INPP4B: variants seen among roughly 807,000 people sequenced by gnomAD.
The protein encoded by INPP4B is inositol polyphosphate-4-phosphatase type II B.
A neutral mutation model predicts 122.5 loss-of-function variants in INPP4B; 55 were observed. The observed-to-expected ratio is 0.45, with a 90% CI of 0.36 to 0.56. The LOEUF is 0.56. Ranked by LOEUF, INPP4B falls within the 20% of genes least tolerant of loss-of-function variation. The pLI is 0.00. For synonymous variants in INPP4B, 403 were observed against 388.7 expected, an observed-to-expected ratio of 1.04 and a Z score of -0.43; for missense variants, 1,000 against 1,097.7, an observed-to-expected ratio of 0.91 and a Z score of 1.26.
intron 2 of INPP4B, among the ~76,000 whole-genome samples, chr4:142,492,440 G>A (rs1821999793): frequency 6.6e-6 from 1 of 152,090 alleles, no homozygotes; most frequent in Non-Finnish European, 1.5e-5. Flanking sequence ...GACTTGGAGG[G>A]TTCAGAAGAC....
intron 2 of INPP4B, among the ~76,000 whole-genome samples, chr4:142,485,955 G>A (rs2149759044): frequency 6.6e-6 from 1 of 152,142 alleles, no homozygotes; most frequent in East Asian, 1.9e-4. Flanking sequence ...CTGAGATCTG[G>A]CTGACAGAGT....
chr4:142,762,213 G>A (rs1185910121), intron 1 of INPP4B, among the ~76,000 whole-genome samples: 2 of 152,046 alleles, frequency 1.3e-5, no homozygotes, highest in Non-Finnish European at 2.9e-5. Flanking sequence ...AATTCTGTAA[G>A]CATCTTAGAG....
chr4:142,310,197 A>T (rs898020730), intron 8 of INPP4B, among the ~76,000 whole-genome samples: 1 of 151,992 alleles, frequency 6.6e-6, no homozygotes, highest in Non-Finnish European at 1.5e-5. Context: ...GAGCTGTGCT[A>T]TCCAATGGGT....
intron 17 of INPP4B, among the ~76,000 whole-genome samples, chr4:142,154,049 C>G (rs1257838352): frequency 6.6e-6 from 1 of 152,056 alleles, no homozygotes; most frequent in Non-Finnish European, 1.5e-5. Context: ...ATCAAGAAAA[C>G]AGAGGATAGA....
chr4:142,223,438 A>G (rs1365399861), intron 12 of INPP4B, among the ~76,000 whole-genome samples: 2 of 152,174 alleles, frequency 1.3e-5, no homozygotes, highest in Non-Finnish European at 2.9e-5. Flanking sequence ...TGTCATTTCC[A>G]TACACTTTTC....
chr4:142,156,669 A>G (rs1443631560), intron 17 of INPP4B, among the ~76,000 whole-genome samples: 2 of 152,154 alleles, frequency 1.3e-5, no homozygotes, highest in African/African-American at 2.4e-5. Context: ...AATCTTTACC[A>G]TATTGACTAG....
chr4:142,360,954 T>C (rs1785184191), intron 7 of INPP4B, among the ~76,000 whole-genome samples: 1 of 151,966 alleles, frequency 6.6e-6, no homozygotes, highest in South Asian at 2.1e-4. Flanking sequence ...TTATTTTGTA[T>C]TGTTTGTGTG....
intron 1 of INPP4B, among the ~76,000 whole-genome samples, chr4:142,776,200 T>C (rs79904750): frequency 6.6e-6 from 1 of 152,318 alleles, no homozygotes; most frequent in African/African-American, 2.4e-5. Flanking sequence ...GGCTAAGGTC[T>C]ACTACCCACT....
At chr4:142,150,356 C>A (rs1287545815) in intron 17 of INPP4B, among the ~76,000 whole-genome samples, 1 of 152,214 alleles carries the variant, frequency 6.6e-6, no homozygotes, top group Non-Finnish European at 1.5e-5. Flanking sequence ...GGATTAAAAA[C>A]AACCACTACC....
At chr4:142,531,931 C>T (rs1219544130) in intron 2 of INPP4B, among the ~76,000 whole-genome samples, 1 of 152,044 alleles carries the variant, frequency 6.6e-6, no homozygotes, top group Non-Finnish European at 1.5e-5. Flanking sequence ...TTTTTAATAT[C>T]CAATTTCACC....
chr4:142,092,184 G>A (rs1359239578), intron 23 of INPP4B, among the ~76,000 whole-genome samples: 2 of 152,190 alleles, frequency 1.3e-5, no homozygotes, highest in East Asian at 3.9e-4. Flanking sequence ...TGAGTGTGGG[G>A]TTAGCTCATA....
chr4:142,350,335 A>C (rs1264661770), intron 7 of INPP4B, among the ~76,000 whole-genome samples: 1 of 151,944 alleles, frequency 6.6e-6, no homozygotes, highest in Non-Finnish European at 1.5e-5. Flanking sequence ...CTATATGATA[A>C]TTTAAAGATA....
At chr4:142,682,138 T>C (rs1028338101) in intron 2 of INPP4B, among the ~76,000 whole-genome samples, 2 of 151,952 alleles carry the variant, frequency 1.3e-5, no homozygotes, top group Non-Finnish European at 2.9e-5. Context: ...TATAATGATG[T>C]GGAAAAATGA....
intron 1 of INPP4B, among the ~76,000 whole-genome samples, chr4:142,794,043 T>C (rs1356455996): frequency 1.3e-5 from 2 of 152,064 alleles, no homozygotes; most frequent in East Asian, 3.8e-4. Flanking sequence ...TTTTTGGTGA[T>C]AGTGTTGGTA....
intron 9 of INPP4B, among the ~76,000 whole-genome samples, chr4:142,304,029 T>C (rs1181248991): frequency 1.3e-5 from 2 of 152,102 alleles, no homozygotes; most frequent in Non-Finnish European, 2.9e-5. Flanking sequence ...ATGACTGTTA[T>C]GTTATAATGA....
At chr4:142,325,800 T>C (rs1300709021) in intron 7 of INPP4B, among the ~76,000 whole-genome samples, 1 of 152,196 alleles carries the variant, frequency 6.6e-6, no homozygotes, top group Non-Finnish European at 1.5e-5. Context: ...CATACAGGAC[T>C]CATGTAGTTC....
At chr4:142,406,313 A>G (rs1803356621) in intron 5 of INPP4B, among the ~76,000 whole-genome samples, 1 of 152,100 alleles carries the variant, frequency 6.6e-6, no homozygotes, top group Admixed American at 6.5e-5. Flanking sequence ...GCAGGGTTCT[A>G]TACCATCCCT....
At chr4:142,517,596 C>A (rs537825117) in intron 2 of INPP4B, among the ~76,000 whole-genome samples, 328 of 152,214 alleles carry the variant, frequency 2.2e-3, no homozygotes, top group African/African-American at 7.6e-3. Context: ...TATGTCTTAG[C>A]CTTAAACAAA....
chr4:142,834,027 G>T (rs942789313), intron 1 of INPP4B, among the ~76,000 whole-genome samples: 1 of 152,042 alleles, frequency 6.6e-6, no homozygotes, highest in Non-Finnish European at 1.5e-5. Flanking sequence ...CTCAGATTTT[G>T]TACTAGTTAG....
Sources: gnomAD v4.1 joint callset for allele counts (sites outside exome capture counted in the v4.1 genomes callset) on GRCh38, gnomAD v4.1.1 for gene constraint, MANE v1.5 for transcripts, NCBI Gene and HGNC (gene_info 2026-07-23, HGNC 2026-07-21) for gene names.